DISP1: variants seen among roughly 807,000 people sequenced by gnomAD.
The protein encoded by DISP1 is dispatched RND transporter family member 1.
Under a neutral mutation model 37.3 loss-of-function variants are expected in DISP1, and 30 were observed. That is an observed-to-expected ratio of 0.80 (90% confidence interval 0.60 to 1.09). The LOEUF is 1.09. Among genes scored for constraint, DISP1 ranks in the 50% least tolerant of loss-of-function variants. DISP1 has a pLI of 0.00. For synonymous variants in DISP1, 634 were observed against 690.2 expected (o/e 0.92, Z 1.28); for missense variants, 1,598 against 1,879.5 (o/e 0.85, Z 2.77).
At chr1:222,845,910 A>G (rs1667869516) in intron 1 of DISP1, among the ~76,000 whole-genome samples, 2 of 152,182 alleles carry the variant, frequency 1.3e-5, no homozygotes, top group East Asian at 1.9e-4. Flanking sequence ...TGACTAGTCA[A>G]TGTCCTTGGT....
At chr1:222,940,337 A>T (rs1363614856) in intron 2 of DISP1, among the ~76,000 whole-genome samples, 1 of 152,072 alleles carries the variant, frequency 6.6e-6, no homozygotes, top group African/African-American at 2.4e-5. Context: ...CATGTGTCAC[A>T]TGCTTTTAAA....
At chr1:222,936,786 A>AAT (rs1558339780) in intron 2 of DISP1, among the ~76,000 whole-genome samples, 1 of 53,462 alleles carries the variant, frequency 1.9e-5, no homozygotes. Context: ...ATCATATATA[A>AAT]TATATATAAT....
intron 1 of DISP1, among the ~76,000 whole-genome samples, chr1:222,840,387 G>A (rs1185459372): frequency 6.6e-5 from 10 of 151,908 alleles, no homozygotes; most frequent in Middle Eastern, 3.4e-3. Flanking sequence ...GATTATAGGC[G>A]CCCATCACCA....
intron 1 of DISP1, among the ~76,000 whole-genome samples, chr1:222,842,309 ATT>A (rs370490584): frequency 9.1e-6 from 1 of 109,678 alleles, no homozygotes; most frequent in African/African-American, 3.3e-5. Context: ...AAAACCTGTC[ATT>A]TTAAAAAAAA....
intron 1 of DISP1, among the ~76,000 whole-genome samples, chr1:222,834,390 A>T (rs1212532007): frequency 6.6e-6 from 1 of 152,192 alleles, no homozygotes. Flanking sequence ...GAGAAACAAG[A>T]TAATAGATGG....
chr1:222,897,553 A>G (rs1671335849), intron 1 of DISP1, among the ~76,000 whole-genome samples: 2 of 152,190 alleles, frequency 1.3e-5, no homozygotes, highest in African/African-American at 4.8e-5. Context: ...ATAGTTTTGT[A>G]TACTTTTTAA....
intron 3 of DISP1, among the ~76,000 whole-genome samples, chr1:222,957,891 G>C (rs191660708): frequency 5.4e-4 from 83 of 152,306 alleles, no homozygotes. Context: ...AACTGAAGCT[G>C]TTACATGAAA....
chr1:222,894,827 G>T (rs1671157246), intron 1 of DISP1, among the ~76,000 whole-genome samples: 1 of 152,246 alleles, frequency 6.6e-6, no homozygotes. Flanking sequence ...CTCCAGACGG[G>T]CTGCGGGTGC....
chr1:222,980,914 C>T (rs946251104), intron 3 of DISP1, among the ~76,000 whole-genome samples: 5 of 152,152 alleles, frequency 3.3e-5, no homozygotes, highest in Admixed American at 6.5e-5. Flanking sequence ...CCCATCTCTA[C>T]TAAAAATGCA....
intron 1 of DISP1, among the ~76,000 whole-genome samples, chr1:222,875,127 G>A (rs1669885535): frequency 6.6e-6 from 1 of 152,062 alleles, no homozygotes; most frequent in Admixed American, 6.6e-5. Flanking sequence ...ATGGGATGGG[G>A]TAGGTGAGTC....
At chr1:222,816,072 AATAT>A (rs68057775) in intron 1 of DISP1, among the ~76,000 whole-genome samples, 19,037 of 143,866 alleles carry the variant, frequency 0.13, 1,400 homozygotes, top group Admixed American at 0.18. Context: ...GCTGTAAGGA[AATAT>A]ATATATATAT....
chr1:222,852,837 G>C (rs1428828211), intron 1 of DISP1, among the ~76,000 whole-genome samples: 1 of 152,050 alleles, frequency 6.6e-6, no homozygotes, highest in East Asian at 1.9e-4. Context: ...TTAGCATGTA[G>C]AACATAGATA....
chr1:223,003,256 A>G lies in DISP1; in HGVS notation c.1859A>G (p.Tyr620Cys). 2 of 1,614,184 alleles carry G rather than the reference A, an allele frequency of 1.2e-6. No individual in the cohort carries two copies. The highest frequency in any genetic ancestry group is 1.1e-5 in the South Asian group (1 of 91,082). Residue 620 changes from tyrosine to cysteine, a missense_variant, in exon 9 of 9, where the codon TAT (tyrosine) becomes TGT (cysteine). Transcript: ENST00000675850. This position sits in a 1 kb window ranked among gnomAD's most constrained non-coding sequence, Gnocchi z 4.3. ...VTSFTTAAAF[Y>C]ANYVSNITAI... ...AGTTTTACCACTGCTGCTGCCTTTT[A>G]TGCTAACTATGTTAGCAACATTACA...
At chr1:222,875,062 A>G (rs1669880430) in intron 1 of DISP1, among the ~76,000 whole-genome samples, 1 of 152,268 alleles carries the variant, frequency 6.6e-6, no homozygotes, top group South Asian at 2.1e-4. Context: ...TAGTTTACCA[A>G]TTTGGGGAAG....
At chr1:222,853,014 G>A (rs1253286189) in intron 1 of DISP1, among the ~76,000 whole-genome samples, 1 of 152,052 alleles carries the variant, frequency 6.6e-6, no homozygotes, top group Non-Finnish European at 1.5e-5. Flanking sequence ...TGAAGAATGG[G>A]GTCTGAGGAG....
rs1366237099 is a variant in DISP1 at position 223,003,276 on chromosome 1, A to G, written c.1879A>G (p.Ile627Val). The G allele has an allele frequency of 6.2e-7, 1 of 1,614,232 alleles. No homozygotes were observed. Among genetic ancestry groups the G allele is most frequent in the Non-Finnish European group, 8.5e-7 (1 of 1,180,026 alleles). Reference sequence around the variant, plus strand: ...CTTTTATGCTAACTATGTTAGCAACATTACAGCAATCCGATGCTTTGGGGT... The same window carrying G: ...CTTTTATGCTAACTATGTTAGCAACGTTACAGCAATCCGATGCTTTGGGGT... ...AAFYANYVSN[I>V]TAIRCFGVYA... The change falls in exon 9 of 9, where the codon ATT becomes GTT. Residue 627 changes from isoleucine (I) to valine (V), a missense_variant. Transcript: ENST00000675850. The surrounding 1 kb of genome is among the most constrained non-coding windows in gnomAD (Gnocchi z 4.3).
intron 1 of DISP1, among the ~76,000 whole-genome samples, chr1:222,918,075 C>A (rs1402282046): frequency 2.0e-5 from 3 of 152,150 alleles, no homozygotes; most frequent in African/African-American, 7.2e-5. Flanking sequence ...CAATGCCATT[C>A]AAAATGTCAT....
chr1:222,944,935 C>T (rs1434462242), intron 3 of DISP1, among the ~76,000 whole-genome samples: 3 of 151,828 alleles, frequency 2.0e-5, no homozygotes, highest in African/African-American at 4.8e-5. Flanking sequence ...CCCAACACTT[C>T]GGGAGGTTGA....
At chr1:222,952,629 A>G (rs1055550396) in intron 3 of DISP1, among the ~76,000 whole-genome samples, 1 of 152,142 alleles carries the variant, frequency 6.6e-6, no homozygotes, top group Non-Finnish European at 1.5e-5. Flanking sequence ...AGGCAGGCGG[A>G]TCACAAGGTC....
Sources: gnomAD v4.1 joint callset for allele counts (sites outside exome capture counted in the v4.1 genomes callset) on GRCh38, gnomAD v4.1.1 for gene constraint, Gnocchi (gnomAD v3.1) non-coding constraint, MANE v1.5 for transcripts, NCBI Gene and HGNC (gene_info 2026-07-23, HGNC 2026-07-21) for gene names.